MIER1: variants seen among roughly 807,000 people sequenced by gnomAD.
MIER1 encodes MIER1 transcriptional regulator, also known as mesoderm induction early response protein 1.
Under a neutral mutation model 75.7 loss-of-function variants are expected in MIER1, and 40 were observed. The observed-to-expected ratio is 0.53, with a 90% confidence interval of 0.41 to 0.69. MIER1 has a LOEUF of 0.69. Among genes scored for constraint, MIER1 ranks in the 30% least tolerant of loss-of-function variants. MIER1 has a pLI of 0.00. For missense variants in MIER1, 574 were observed against 680.2 expected, an observed-to-expected ratio of 0.84 and a Z score of 1.74; for synonymous variants, 213 against 223.4, an observed-to-expected ratio of 0.95 and a Z score of 0.42.
At chr1:66,947,152 A>G in intron 4 of MIER1, 1 of 222,114 alleles carries the variant, frequency 4.5e-6, no homozygotes, top group Non-Finnish European at 7.6e-6. Context: ...TCAGATCCAC[A>G]TCTTCATTAA....
At chr1:66,983,106 A>C (rs1391596612) in intron 13 of MIER1, among the ~76,000 whole-genome samples, 2 of 152,212 alleles carry the variant, frequency 1.3e-5, no homozygotes, top group African/African-American at 4.8e-5. Context: ...CTTATAAATT[A>C]CTTGTAGCTC....
intron 11 of MIER1, 149 bp downstream of exon 11, chr1:66,973,140 G>A: frequency 1.7e-6 from 1 of 575,256 alleles, no homozygotes; most frequent in Non-Finnish European, 3.1e-6. Context: ...TTATAGTAAG[G>A]CTGCCTATAC....
At chr1:66,933,657 A>C (rs1482074882) in intron 2 of MIER1, among the ~76,000 whole-genome samples, 1 of 152,160 alleles carries the variant, frequency 6.6e-6, no homozygotes, top group Non-Finnish European at 1.5e-5. Context: ...AGCTTCAAAT[A>C]ATTCTCGACA....
intron 2 of MIER1, among the ~76,000 whole-genome samples, chr1:66,936,151 T>C (rs1654777786): frequency 1.3e-5 from 2 of 152,238 alleles, no homozygotes; most frequent in African/African-American, 4.8e-5. Context: ...TAAATCATCT[T>C]TCCTAAAAAA....
chr1:66,952,862 C>T (rs1302417879), intron 4 of MIER1, among the ~76,000 whole-genome samples: 1 of 152,134 alleles, frequency 6.6e-6, no homozygotes, highest in Non-Finnish European at 1.5e-5. Flanking sequence ...CCAGGCTGGT[C>T]TCGAACTCCT....
chr1:66,974,520 C>T (rs1036559339), intron 11 of MIER1, among the ~76,000 whole-genome samples: 2 of 151,692 alleles, frequency 1.3e-5, no homozygotes, highest in African/African-American at 4.8e-5. Context: ...AAGGAAGGGA[C>T]CCCTGGAATG....
chr1:66,958,930 C>T lies in MIER1; in HGVS notation c.581C>T (p.Ser194Phe). The T allele has an allele frequency of 2.5e-6, 4 of 1,613,012 alleles. No homozygotes were observed. The highest frequency in any genetic ancestry group is 3.4e-6 in the Non-Finnish European group (4 of 1,179,328). ...GATGATCCATCACAATCTGTTGCTT[C>T]TCAAGATGCCCAGGAAATAATCCGC... is the stretch of plus-strand genomic sequence containing the variant. ...SNDDPSQSVA[S>F]QDAQEIIRPR... The change falls in exon 6 of 14, where the codon TCT (serine) becomes TTT (phenylalanine). Residue 194 changes from serine to phenylalanine, a missense_variant. Ser to Phe is a radical substitution (Grantham distance 155). This residue lies in a region of MIER1 where 309 missense variants were observed against 352.8 expected (regional missense o/e 0.88). Transcript: ENST00000401041.
At chr1:66,982,144 A>G (rs147272359) in intron 13 of MIER1, among the ~76,000 whole-genome samples, 73 of 152,334 alleles carry the variant, frequency 4.8e-4, no homozygotes, top group Non-Finnish European at 5.9e-5. Flanking sequence ...AACAGTGACT[A>G]TTTCTTGTAA....
chr1:66,946,260 A>G lies in MIER1; in HGVS notation c.304A>G (p.Thr102Ala). The G allele has an allele frequency of 1.2e-6, 2 of 1,610,360 alleles. No individual in the cohort carries two copies. The highest frequency in any genetic ancestry group is 1.7e-6 in the Non-Finnish European group (2 of 1,179,024). ...AGAGGAAGAAATGATGGAAGGAGAA[A>G]CAAACTTCAGCTCTGAAATAGAAGA... ...LEEEEMMEGE[T>A]NFSSEIEDLA... Residue 102 changes from threonine (T) to alanine (A), a missense_variant, in exon 4 of 14, where the codon ACA becomes GCA. By Grantham distance (58) the Thr-to-Ala change is moderately conservative. Around this residue, in one of 3 missense-constraint regions of MIER1, gnomAD observed 309 missense variants for 352.8 expected, o/e 0.88. Coordinates refer to ENST00000401041, the MANE Select transcript of MIER1 (RefSeq NM_001077700.3).
chr1:66,984,649 A>G lies in MIER1; in HGVS notation c.1447A>G (p.Thr483Ala). ...KVEGLHINGP[T>A]GGNKKPLHAD... ...TGAAGGGTTACACATTAATGGACCA[A>G]CAGGTGGAAATAAGAAACCACTTCA... Residue 483 changes from threonine to alanine, a missense_variant, in exon 14 of 14, where the codon ACA becomes GCA. Physicochemically the swap from Thr to Ala is moderately conservative, Grantham distance 58. Transcript: ENST00000401041. The G allele has an allele frequency of 6.2e-7, 1 of 1,614,016 alleles. No individual in the cohort carries two copies. The highest frequency in any genetic ancestry group is 1.1e-5 in the South Asian group (1 of 91,060).
chr1:66,981,058 G>A (rs1330350880), intron 12 of MIER1, among the ~76,000 whole-genome samples: 3 of 148,938 alleles, frequency 2.0e-5, no homozygotes, highest in African/African-American at 7.7e-5. Flanking sequence ...ACATTTTTAT[G>A]TACATATATA....
At chr1:66,964,375 A>G (rs1307142132) in intron 8 of MIER1, among the ~76,000 whole-genome samples, 2 of 151,326 alleles carry the variant, frequency 1.3e-5, no homozygotes, top group African/African-American at 4.9e-5. Context: ...GCCTGGCTGA[A>G]GATTTTTTTT....
intron 2 of MIER1, chr1:66,930,387 C>G (rs1335525356): frequency 6.2e-7 from 1 of 1,608,240 alleles, no homozygotes. Context: ...GGCAGTACGG[C>G]AAATATGGCG....
chr1:66,963,425 GT>G (rs987160752), intron 8 of MIER1, among the ~76,000 whole-genome samples: 7 of 151,874 alleles, frequency 4.6e-5, no homozygotes. Flanking sequence ...TGTCTCAACA[GT>G]TTTTTTTACT....
Position 66,970,902 on chromosome 1 carries a change from T to C in MIER1, c.867T>C (p.Gly289=). ...TTAAAGATGCATCTAGAAGAACAGG[T>C]GATGAGAAGGGTGTAGAAGCAATTC... ...IFLKDASRRT[G]DEKGVEAIPE... Residue 289 remains glycine, a synonymous_variant, in exon 9 of 14, where the codon GGT becomes GGC. Coordinates refer to ENST00000401041, the MANE Select transcript of MIER1 (RefSeq NM_001077700.3). The C allele has an allele frequency of 6.2e-7, 1 of 1,600,520 alleles. No individual in the cohort carries two copies. The highest frequency in any genetic ancestry group is 8.5e-7 in the Non-Finnish European group (1 of 1,175,720).
At chr1:66,935,166 T>C (rs1291384907) in intron 2 of MIER1, among the ~76,000 whole-genome samples, 6 of 152,196 alleles carry the variant, frequency 3.9e-5, no homozygotes, top group Non-Finnish European at 8.8e-5. Context: ...AGTTATTTCT[T>C]TACTCTCTCT....
Position 66,958,145 on chromosome 1 carries a change from A to G in MIER1, c.426A>G (p.Glu142=), listed in dbSNP as rs768287693. The G allele has an allele frequency of 1.2e-6, 2 of 1,601,704 alleles. No homozygotes were observed. Among genetic ancestry groups the G allele is most frequent in the Non-Finnish European group, 1.7e-6 (2 of 1,168,940 alleles). ...TACCTGAAGAAGATGAGGAAGAGGA[A>G]GAAGAGGAAGAAGAAGGTGAAGATG... The part of the protein sequence containing the change: ...VRLPEEDEEE[E]EEEEEGEDDE... Residue 142 remains glutamate, a synonymous_variant, in exon 5 of 14, where the codon GAA becomes GAG. Coordinates refer to ENST00000401041, the MANE Select transcript of MIER1 (RefSeq NM_001077700.3).
At position 66,986,610 on chromosome 1, in the gene MIER1, A is replaced by G; in HGVS notation, c.*1710A>G. On this transcript the variant is annotated 3_prime_UTR_variant, in exon 14 of 14. Transcript: ENST00000401041. ...TATGTTCGGACTGCTTCCCTTCACC[A>G]ATGTGAACAACTTTTTTTCCCAAAC... 2 of 688,364 alleles carry G rather than the reference A, an allele frequency of 2.9e-6. No homozygotes were observed. The highest frequency in any genetic ancestry group is 4.9e-6 in the Non-Finnish European group (2 of 405,900). 42.6% of individuals were successfully genotyped at this position (688,364 alleles called of 1,614,324 possible).
rs1664792458 is a variant in MIER1, at chr1:66,976,699, A to G, written c.1206A>G (p.Lys402=). 39 of 1,605,328 alleles carry G rather than the reference A, an allele frequency of 2.4e-5. No homozygotes were observed. Among genetic ancestry groups the G allele is most frequent in the African/African-American group, 2.7e-5 (2 of 74,492 alleles). The change falls in exon 12 of 14, where the codon AAA becomes AAG. Residue 402 remains lysine, a synonymous_variant. Coordinates refer to ENST00000401041, the MANE Select transcript of MIER1 (RefSeq NM_001077700.3). The part of the protein sequence containing the change: ...FAQQTRFGKK[K]YNLHPGVTDY... ...AGCAAACACGATTTGGAAAGAAGAA[A>G]TATAATCTTCATCCTGGTGTAACGT...
Sources: gnomAD v4.1 joint callset for allele counts (sites outside exome capture counted in the v4.1 genomes callset) on GRCh38, gnomAD v4.1.1 for gene constraint, gnomAD v4.1.1 regional missense constraint, MANE v1.5 for transcripts, NCBI Gene and HGNC (gene_info 2026-07-23, HGNC 2026-07-21) for gene names.